The following DMD variants were observed in gnomAD, a reference collection of about 807,000 sequenced individuals.
The protein encoded by DMD is mutant dystrophin.
In DMD, 63 loss-of-function variants were observed where a neutral mutation model predicts 330.1. The ratio of observed to expected loss-of-function variants is 0.19; its 90% CI spans 0.16 to 0.24. The LOEUF (loss-of-function observed/expected upper bound fraction) is 0.24. DMD is among the 10% of genes least tolerant of loss of function. The pLI is 1.00. For missense variants in DMD, 3,344 were observed against 2,684.1 expected, an observed-to-expected ratio of 1.25 and a Z score of -5.43; for synonymous variants, 1,223 against 959.8, an observed-to-expected ratio of 1.27 and a Z score of -5.07.
intron 17 of DMD, among the ~76,000 whole-genome samples, chrX:32,522,295 G>A (rs981160939): frequency 1.8e-5 from 2 of 111,456 alleles, no homozygotes; most frequent in African/African-American, 6.5e-5. Context: ...TTTTCACTTG[G>A]CCTCTGGGCA....
chrX:32,890,085 G>C (rs2085051611), intron 2 of DMD, among the ~76,000 whole-genome samples: 1 of 111,672 alleles, frequency 9.0e-6, no homozygotes. Context: ...GGATTTCTAA[G>C]AATCATTGTC....
At chrX:31,673,218 C>T (rs1054737545) in intron 53 of DMD, among the ~76,000 whole-genome samples, 1 of 111,956 alleles carries the variant, frequency 8.9e-6, no homozygotes, top group African/African-American at 3.3e-5. Flanking sequence ...GAGAAAGTGA[C>T]GGGAAAGGCC....
chrX:32,380,459 TTA>T, intron 34 of DMD, 49 bp downstream of exon 34: 1 of 1,085,891 alleles, frequency 9.2e-7, no homozygotes, highest in African/African-American at 1.8e-5. Flanking sequence ...CAAAATCATA[TTA>T]TGTGTTTTCA....
chrX:31,820,539 C>T (rs760152601), intron 49 of DMD, among the ~76,000 whole-genome samples: 2 of 111,915 alleles, frequency 1.8e-5, no homozygotes, highest in Admixed American at 1.9e-4. Flanking sequence ...TACTCAGAGC[C>T]CCCTTCAAAG....
intron 1 of DMD, among the ~76,000 whole-genome samples, chrX:33,307,836 A>T (rs4829133): frequency 0.26 from 28,933 of 110,708 alleles, 2,799 homozygotes; most frequent in Admixed American, 0.31. Flanking sequence ...AATAAAAATA[A>T]GAAGAAAAAT....
At chrX:32,888,916 T>C (rs1350738789) in intron 2 of DMD, among the ~76,000 whole-genome samples, 1 of 110,162 alleles carries the variant, frequency 9.1e-6, no homozygotes, top group Non-Finnish European at 1.9e-5. Context: ...CACGGAAAAT[T>C]ATAATTTTTT....
chrX:32,634,298 C>A (rs1216846174), intron 11 of DMD, among the ~76,000 whole-genome samples: 1 of 111,689 alleles, frequency 9.0e-6, no homozygotes, highest in Non-Finnish European at 1.9e-5. Context: ...GAATCAGGGA[C>A]CCTAGGAGCC....
At chrX:32,451,415 AC>A (rs2098329544) in intron 26 of DMD, among the ~76,000 whole-genome samples, 1 of 110,529 alleles carries the variant, frequency 9.0e-6, no homozygotes, top group South Asian at 3.8e-4. Context: ...AAAAAATAAA[AC>A]CAGTTAATAA....
chrX:32,663,940 CAT>C (rs1394163586), intron 9 of DMD, among the ~76,000 whole-genome samples: 1 of 111,313 alleles, frequency 9.0e-6, no homozygotes, highest in African/African-American at 3.3e-5. Flanking sequence ...AGAGAAGAAA[CAT>C]AGAGAAAGGA....
intron 77 of DMD, among the ~76,000 whole-genome samples, chrX:31,129,972 G>T (rs192562861): frequency 3.9e-3 from 434 of 111,716 alleles, no homozygotes; most frequent in African/African-American, 0.013. Context: ...AAAAGAGGAT[G>T]GCATGGGCTG....
intron 59 of DMD, among the ~76,000 whole-genome samples, chrX:31,460,807 C>T (rs1470049862): frequency 3.6e-5 from 4 of 111,522 alleles, no homozygotes; most frequent in African/African-American, 1.3e-4. Context: ...GTCTTAAACT[C>T]CTGAGCTCAT....
intron 15 of DMD, among the ~76,000 whole-genome samples, chrX:32,567,399 T>C (rs956330365): frequency 9.0e-6 from 1 of 111,180 alleles, no homozygotes; most frequent in South Asian, 3.8e-4. Context: ...AGGTAGGTGG[T>C]TTTTCTTTTT....
chrX:32,672,196 G>A (rs1399468110), intron 9 of DMD, among the ~76,000 whole-genome samples: 1 of 111,102 alleles, frequency 9.0e-6, no homozygotes, highest in African/African-American at 3.3e-5. Flanking sequence ...TGATTCATCA[G>A]TAATAGCCTA....
rs193217626 is a variant in DMD at position 32,554,602 on chromosome X, G to A, written c.1993-9268C>T. On this transcript the variant is annotated intron_variant, in intron 16 of 78. Coordinates refer to ENST00000357033, the MANE Select transcript of DMD (RefSeq NM_004006.3). ...GAATTGCTGAATAGATCAATAATGC[G>A]TTCTGAAATTGAGGCAATAATAAAT... Among the ~76,000 whole-genome samples, 279 of 108,706 alleles carry A rather than the reference G, an allele frequency of 2.6e-3. 3 individuals carry two copies. Among genetic ancestry groups the A allele is most frequent in the Non-Finnish European group, 6.7e-4 (35 of 52,350 alleles). 94.4% of individuals were successfully genotyped at this position (108,706 alleles called of 115,157 possible).
chrX:32,332,856 A>G (rs1007829033), intron 41 of DMD, among the ~76,000 whole-genome samples: 9 of 111,204 alleles, frequency 8.1e-5, no homozygotes, highest in African/African-American at 2.9e-4. Context: ...TTTTCTCTGA[A>G]AATTTGAAAG....
intron 2 of DMD, among the ~76,000 whole-genome samples, chrX:32,986,412 G>A (rs1382144531): frequency 5.4e-5 from 6 of 111,576 alleles, no homozygotes; most frequent in Non-Finnish European, 9.4e-5. Flanking sequence ...AATTTAGGGC[G>A]TAAGAAATAA....
chrX:33,120,654 G>T (rs1451999605), intron 1 of DMD, among the ~76,000 whole-genome samples: 4 of 110,735 alleles, frequency 3.6e-5, no homozygotes, highest in Non-Finnish European at 7.6e-5. Context: ...GCCGAGGCAG[G>T]CGGATCACCT....
rs764243745 is a variant in DMD, at chrX:33,109,859, G to A, written c.32-89659C>T. 3.6e-5 allele frequency among the ~76,000 whole-genome samples: 4 copies of A among 110,954 alleles called. No homozygotes were observed. In the South Asian group the frequency reaches 1.5e-3, roughly 42 times the overall value. On this transcript the variant is annotated intron_variant, in intron 1 of 78. Transcript: ENST00000357033. ...AGTTAAAATAAAAAGCCAGAGAATA[G>A]TTTCTACTCACTAATGATTAATAAA...
chrX:32,067,600 A>G (rs1028590925), intron 44 of DMD, among the ~76,000 whole-genome samples: 1 of 111,484 alleles, frequency 9.0e-6, no homozygotes, highest in African/African-American at 3.3e-5. Flanking sequence ...AACTGAGTAC[A>G]TATAGTATTT....
Sources: gnomAD v4.1 joint callset for allele counts (sites outside exome capture counted in the v4.1 genomes callset) on GRCh38, gnomAD v4.1.1 for gene constraint, MANE v1.5 for transcripts, NCBI Gene and HGNC (gene_info 2026-07-23, HGNC 2026-07-21) for gene names.